The following SELENOP variants were observed in gnomAD, a reference collection of about 807,000 sequenced individuals.
The protein encoded by SELENOP is selenoprotein P.
SELENOP carries 36 observed loss-of-function variants against 41.0 expected under a neutral mutation model. The observed-to-expected ratio is 0.88, with a 90% confidence interval of 0.67 to 1.16. The LOEUF (loss-of-function observed/expected upper bound fraction) is 1.16. SELENOP is among the 50% of genes most tolerant of loss of function. The pLI is 0.00. For missense variants in SELENOP, 440 were observed against 454.2 expected (o/e 0.97, Z 0.28); for synonymous variants, 144 against 150.8 (o/e 0.95, Z 0.33).
chr5:42,807,076 T>C lies in SELENOP; in HGVS notation c.236A>G (p.Glu79Gly). 1 of 1,532,398 alleles carries C rather than the reference T, an allele frequency of 6.5e-7. No individual in the cohort carries two copies. Among genetic ancestry groups the C allele is most frequent in the Non-Finnish European group, 9.0e-7 (1 of 1,112,694 alleles). The allele number at this position is 1,532,398 out of a possible 1,614,324, so 94.9% of individuals were successfully genotyped here. ...AATATAAGAAATATTAGAATATCCT[T>C]CTTTCTTCAGTTTTACTCGCAGGTC... ...LEDLRVKLKK[E>G]GYSNISYIVV... Residue 79 changes from glutamate to glycine, a missense_variant, in exon 3 of 5, where the codon GAA becomes GGA. By Grantham distance (98) the Glu-to-Gly change is moderately conservative. Coordinates refer to ENST00000514985, the MANE Select transcript of SELENOP (RefSeq NM_005410.4).
chr5:42,799,943 C>A lies in SELENOP; in HGVS notation c.*777G>T. 1 of 765,556 alleles carries A rather than the reference C, an allele frequency of 1.3e-6. No individual in the cohort carries two copies. The highest frequency in any genetic ancestry group is 2.0e-6 in the Non-Finnish European group (1 of 490,230). The allele number at this position is 765,556 out of a possible 1,614,324, so 47.4% of individuals were successfully genotyped here. A position where few individuals can be genotyped will look rare whatever the true frequency, so the allele number is the denominator to read the frequency against. ...CCGTACTGTATCCAATTCTGTACTG[C>A]ATTCTTGCTTAATAGTATTAACCAT... On this transcript the variant is annotated 3_prime_UTR_variant, in exon 5 of 5. Coordinates refer to ENST00000514985, the MANE Select transcript of SELENOP (RefSeq NM_005410.4).
At chr5:42,809,694 G>T in intron 1 of SELENOP, 1 of 447,984 alleles carries the variant, frequency 2.2e-6, no homozygotes, top group Non-Finnish European at 3.0e-6. Context: ...TAATGCACTG[G>T]TAGATATAGA....
intron 3 of SELENOP, 85 bp from the exon 4 acceptor site, chr5:42,804,858 G>A: frequency 1.2e-6 from 1 of 830,312 alleles, no homozygotes; most frequent in Non-Finnish European, 1.9e-6. Context: ...AGGTATTATA[G>A]GTTTAATGGT....
chr5:42,800,686 G>T lies in SELENOP; in HGVS notation c.*34C>A. 1.9e-6 allele frequency: 3 copies of T among 1,541,220 alleles called. No individual in the cohort carries two copies. Among genetic ancestry groups the T allele is most frequent in the South Asian group, 1.3e-5 (1 of 78,012 alleles). Reference sequence around the variant, plus strand: ...AATGCTGGAAATGAAATTGTGTCTAGACTAAATTGGGGAGTATGTCCTATT... The same window carrying T: ...AATGCTGGAAATGAAATTGTGTCTATACTAAATTGGGGAGTATGTCCTATT... On this transcript the variant is annotated 3_prime_UTR_variant, in exon 5 of 5. Transcript: ENST00000514985.
Position 42,800,000 on chromosome 5 carries a change from C to T in SELENOP, c.*720G>A. ...GGTCAGGTTTATAGGGTTTGGTTTA[C>T]CTATTAAACCATCATTGACTATGGA... is the stretch of plus-strand genomic sequence containing the variant. On this transcript the variant is annotated 3_prime_UTR_variant, in exon 5 of 5. Coordinates refer to ENST00000514985, the MANE Select transcript of SELENOP (RefSeq NM_005410.4). 2.0e-6 allele frequency: 1 copy of T among 490,650 alleles called. No individual in the cohort carries two copies. Among genetic ancestry groups the T allele is most frequent in the Admixed American group, 3.9e-5 (1 of 25,612 alleles). The allele number at this position is 490,650 out of a possible 1,614,324, so 30.4% of individuals were successfully genotyped here.
chr5:42,804,966 C>T, intron 3 of SELENOP, 193 bp from the exon 4 acceptor site: 1 of 390,974 alleles, frequency 2.6e-6, no homozygotes, highest in Non-Finnish European at 4.6e-6. Context: ...CATAGCAACA[C>T]TATAATTAGT....
At position 42,800,783 on chromosome 5, in the gene SELENOP, T is replaced by C. The variant is rs1459134267; in HGVS notation, c.1083A>G (p.Thr361=). 1.2e-6 allele frequency: 2 copies of C among 1,613,952 alleles called. No homozygotes were observed. The highest frequency in any genetic ancestry group is 1.7e-5 in the Admixed American group (1 of 60,030). ...TTCAGCGTCAACTGGCACTGGCTTC[T>C]GTGGGTATAAGCTGCTGACTTATTT... The part of the protein sequence containing the change: ...AUQISQQLIP[T]EASASURUKN... The change falls in exon 5 of 5, where the codon ACA becomes ACG. Residue 361 remains threonine (T), a synonymous_variant. Coordinates refer to ENST00000514985, the MANE Select transcript of SELENOP (RefSeq NM_005410.4).
At position 42,804,763 on chromosome 5, in the gene SELENOP, G is replaced by T; in HGVS notation, c.427C>A (p.Leu143Ile). Residue 143 changes from leucine to isoleucine, a missense_variant, in exon 4 of 5, where the codon CTT becomes ATT. Coordinates refer to ENST00000514985, the MANE Select transcript of SELENOP (RefSeq NM_005410.4). Reference sequence around the variant, plus strand: ...AAAGGCAAACCAAGATGATATACAAGACGGCCACATCTAAGAAAAAGGACA... The same window carrying T: ...AAAGGCAAACCAAGATGATATACAATACGGCCACATCTAAGAAAAAGGACA... ...DFLIYDRCGRLVYHLGLPFSF... is the reference protein window; with the variant it reads ...DFLIYDRCGRIVYHLGLPFSF... The T allele has an allele frequency of 1.3e-6, 2 of 1,585,104 alleles. No homozygotes were observed. The highest frequency in any genetic ancestry group is 1.7e-6 in the Non-Finnish European group (2 of 1,156,382).
rs1028876379 is a variant in SELENOP, at chr5:42,800,552, A to T, written c.*168T>A. ...ATCATAAAAAATATGGTTTGAGTCA[A>T]TATTTCTATGACATAAAATTTAAAA... is the stretch of plus-strand genomic sequence containing the variant. On this transcript the variant is annotated 3_prime_UTR_variant, in exon 5 of 5. Transcript: ENST00000514985. 5 of 772,520 alleles carry T rather than the reference A, an allele frequency of 6.5e-6. No homozygotes were observed. The African/African-American group carries it at 8.8e-5, about 14-fold the overall frequency. The allele number at this position is 772,520 out of a possible 1,614,324, so 47.9% of individuals were successfully genotyped here.
chr5:42,808,260 G>A lies in SELENOP; in HGVS notation c.94C>T (p.Pro32Ser). ...QDQSSLCKQP[P>S]AWSIRDQDPM... ...TCTTGATCTCTTATGCTCCAGGCTG[G>A]GGGTTGCTTACATAAGGAGCTTTGG... Residue 32 changes from proline to serine, a missense_variant, in exon 2 of 5, where the codon CCA becomes TCA. By Grantham distance (74) the Pro-to-Ser change is moderately conservative. Coordinates refer to ENST00000514985, the MANE Select transcript of SELENOP (RefSeq NM_005410.4). 1 of 1,571,922 alleles carries A rather than the reference G, an allele frequency of 6.4e-7. No homozygotes were observed.
At chr5:42,803,004 A>G (rs1579731395) in intron 4 of SELENOP, among the ~76,000 whole-genome samples, 1 of 152,324 alleles carries the variant, frequency 6.6e-6, no homozygotes, top group Non-Finnish European at 1.5e-5. Flanking sequence ...AATGTACCAT[A>G]CTGTTGGTGG....
intron 4 of SELENOP, among the ~76,000 whole-genome samples, chr5:42,804,227 C>T (rs28919908): frequency 0.012 from 1,869 of 152,214 alleles, 85 homozygotes; most frequent in Admixed American, 0.077. Flanking sequence ...TTTGGGAGGC[C>T]GAGGCGGGCG....
chr5:42,804,804 T>C (rs375316042), intron 3 of SELENOP, 31 bp from the exon 4 acceptor site: 6 of 1,318,108 alleles, frequency 4.6e-6, no homozygotes, highest in Non-Finnish European at 6.5e-6. Context: ...AATGTCACTA[T>C]AATATTTTCT....
intron 1 of SELENOP, chr5:42,809,893 TAAGAAG>T (rs4041460): frequency 6.1e-5 from 12 of 198,212 alleles, no homozygotes; most frequent in Non-Finnish European, 7.2e-5. Flanking sequence ...TCTAATATTT[TAAGAAG>T]AAGAAGAAGA....
Position 42,799,936 on chromosome 5 carries a change from T to G in SELENOP, c.*784A>C, listed in dbSNP as rs1027637154. On this transcript the variant is annotated 3_prime_UTR_variant, in exon 5 of 5. Transcript: ENST00000514985. ...GACAAATCCGTACTGTATCCAATTC[T>G]GTACTGCATTCTTGCTTAATAGTAT... 1.2e-6 allele frequency: 1 copy of G among 803,408 alleles called. No homozygotes were observed. Among genetic ancestry groups the G allele is most frequent in the Non-Finnish European group, 1.9e-6 (1 of 518,000 alleles). The allele number at this position is 803,408 out of a possible 1,614,324, so 49.8% of individuals were successfully genotyped here. A position where few individuals can be genotyped will look rare whatever the true frequency, so the allele number is the denominator to read the frequency against.
chr5:42,804,978 T>C (rs1760301023), intron 3 of SELENOP: 1 of 359,778 alleles, frequency 2.8e-6, no homozygotes, highest in African/African-American at 2.1e-5. Flanking sequence ...ATAATTAGTC[T>C]AATACTAGTA....
intron 1 of SELENOP, chr5:42,810,831 GT>G: frequency 2.0e-6 from 2 of 978,222 alleles, no homozygotes; most frequent in Non-Finnish European, 2.5e-6. Context: ...CCTCATTTAG[GT>G]TTATGATGAA....
Position 42,800,466 on chromosome 5 carries a change from A to T in SELENOP, c.*254T>A. On this transcript the variant is annotated 3_prime_UTR_variant, in exon 5 of 5. Coordinates refer to ENST00000514985, the MANE Select transcript of SELENOP (RefSeq NM_005410.4). ...CTATTCTCATTAAAGCAAATAGAAC[A>T]CTGGAAAAAGAAAAAAAAAGACATA... The T allele has an allele frequency of 2.5e-6, 1 of 392,194 alleles. No homozygotes were observed. The highest frequency in any genetic ancestry group is 4.6e-5 in the South Asian group (1 of 21,774). 24.3% of individuals were successfully genotyped at this position (392,194 alleles called of 1,614,324 possible). A position where few individuals can be genotyped will look rare whatever the true frequency, so the allele number is the denominator to read the frequency against.
intron 2 of SELENOP, chr5:42,807,372 T>C (rs1368894014): frequency 8.6e-6 from 2 of 231,360 alleles, no homozygotes; most frequent in East Asian, 1.7e-4. Context: ...GTATATATTT[T>C]GAATGTATCT....
Sources: allele counts gnomAD v4.1 joint callset (sites outside exome capture counted in the v4.1 genomes callset), GRCh38; gene constraint gnomAD v4.1.1; transcripts MANE v1.5; gene names NCBI Gene and HGNC (gene_info 2026-07-23, HGNC 2026-07-21).